The following ZNF229 variants were observed in gnomAD, a reference collection of about 807,000 sequenced individuals.
The protein encoded by ZNF229 is zinc finger protein 229.
A neutral mutation model predicts 11.8 loss-of-function variants in ZNF229; 10 were observed. The ratio of observed to expected loss-of-function variants is 0.85; its 90% CI spans 0.52 to 1.44. ZNF229 has a LOEUF of 1.44. ZNF229 is among the 40% of genes most tolerant of loss of function. ZNF229 has a pLI of 0.00. For missense variants in ZNF229, 1,045 were observed against 1,015.1 expected (o/e 1.03, Z -0.40); for synonymous variants, 368 against 374.8 (o/e 0.98, Z 0.21).
intron 4 of ZNF229, among the ~76,000 whole-genome samples, chr19:44,435,312 T>G (rs757736369): frequency 6.6e-6 from 1 of 152,156 alleles, no homozygotes; most frequent in African/African-American, 2.4e-5. Context: ...TGATTGGCCA[T>G]GAGGACTCAC....
intron 5 of ZNF229, 83 bp from the exon 6 acceptor site, chr19:44,430,625 A>G: frequency 7.6e-7 from 1 of 1,317,902 alleles, no homozygotes; most frequent in South Asian, 1.5e-5. Context: ...TGAACTAATA[A>G]TAGCCTAGAG....
intron 4 of ZNF229, among the ~76,000 whole-genome samples, chr19:44,435,509 G>A (rs1015028447): frequency 6.6e-6 from 1 of 152,164 alleles, no homozygotes; most frequent in Non-Finnish European, 1.5e-5. Context: ...ATTGCAACAA[G>A]GCCTGTGAAA....
intron 2 of ZNF229, among the ~76,000 whole-genome samples, chr19:44,445,274 C>T (rs1013405851): frequency 4.6e-5 from 7 of 152,166 alleles, no homozygotes; most frequent in African/African-American, 1.7e-4. Flanking sequence ...CATTCCTACT[C>T]CTGTTCGTTT....
chr19:44,429,794 G>A lies in ZNF229; in HGVS notation c.987C>T (p.Gly329=), dbSNP rs375350769. Residue 329 remains glycine, a synonymous_variant, in exon 6 of 6, where the codon GGC becomes GGT. Transcript: ENST00000614049. ...TACGTATGTGCGTGTTCTGTCTGAC[G>A]CCCCGACCACGCTCAAGACTCTTAA... is the stretch of plus-strand genomic sequence containing the variant. ...KSVKSLERGR[G]VRQNTHIRNH... 78 of 1,613,988 alleles carry A rather than the reference G, an allele frequency of 4.8e-5. 1 individual carries two copies. The highest frequency in any genetic ancestry group is 1.5e-4 in the South Asian group (14 of 91,076).
Position 44,442,797 on chromosome 19 carries a change from C to T in ZNF229, c.34+17G>A, listed in dbSNP as rs775044085. ...GTTTGGATTCTCCCCCCACCCACCC[C>T]CTCTATTAGCTGTCACCTCTTTTCT... On this transcript the variant is annotated intron_variant, in intron 3 of 5. Transcript: ENST00000614049. 1.3e-6 allele frequency: 2 copies of T among 1,581,644 alleles called. No individual in the cohort carries two copies. The highest frequency in any genetic ancestry group is 1.7e-6 in the Non-Finnish European group (2 of 1,150,696).
chr19:44,428,178 A>G lies in ZNF229; in HGVS notation c.*125T>C, dbSNP rs560563815. On this transcript the variant is annotated 3_prime_UTR_variant, in exon 6 of 6. Transcript: ENST00000614049. ...GGTGTTCCCTTCCTATGCAGACTAGAAAATGTAAAATCATCAGTTTCTCCT... is the reference window on the plus strand; with the variant it reads ...GGTGTTCCCTTCCTATGCAGACTAGGAAATGTAAAATCATCAGTTTCTCCT... 6 of 1,110,898 alleles carry G rather than the reference A, an allele frequency of 5.4e-6. No individual in the cohort carries two copies. In the African/African-American group the frequency reaches 9.4e-5, roughly 17 times the overall value. The allele number at this position is 1,110,898 out of a possible 1,614,324, so 68.8% of individuals were successfully genotyped here.
chr19:44,429,453 C>T lies in ZNF229; in HGVS notation c.1328G>A (p.Cys443Tyr). 1 of 1,613,978 alleles carries T rather than the reference C, an allele frequency of 6.2e-7. No homozygotes were observed. The highest frequency in any genetic ancestry group is 8.5e-7 in the Non-Finnish European group (1 of 1,180,002). Residue 443 changes from cysteine to tyrosine, a missense_variant, in exon 6 of 6, where the codon TGT becomes TAT. Cys to Tyr is a radical substitution (Grantham distance 194). Transcript: ENST00000614049. ...YTCSECGKGF[C>Y]AKSALHKHQH... ...GTGTTTGTGCAGTGCAGACTTGGCA[C>T]AGAAGCCTTTGCCACACTCGCTGCA...
chr19:44,438,118 AT>A (rs1313987820), intron 4 of ZNF229, among the ~76,000 whole-genome samples: 1 of 152,210 alleles, frequency 6.6e-6, no homozygotes, highest in Non-Finnish European at 1.5e-5. Flanking sequence ...TGAACCTAAA[AT>A]TTTTAAAAAA....
In ZNF229 at chr19:44,441,527, T is replaced by C. The variant is rs10416458; in HGVS notation, c.93+1036A>G. ...TAAGAAATATGTATATACTAAAGGATAGCCTATTTCCATATCCCTATATTT... is the reference window on the plus strand; with the variant it reads ...TAAGAAATATGTATATACTAAAGGACAGCCTATTTCCATATCCCTATATTT... On this transcript the variant is annotated intron_variant, in intron 4 of 5. Coordinates refer to ENST00000614049, the MANE Select transcript of ZNF229 (RefSeq NM_014518.4). 4.4e-3 allele frequency among the ~76,000 whole-genome samples: 676 copies of C among 152,322 alleles called. 4 individuals are homozygous for C. The highest frequency in any genetic ancestry group is 0.016 in the African/African-American group (645 of 41,572).
intron 4 of ZNF229, among the ~76,000 whole-genome samples, chr19:44,441,300 AAT>A (rs1245410766): frequency 6.6e-6 from 1 of 152,136 alleles, no homozygotes; most frequent in African/African-American, 2.4e-5. Flanking sequence ...AAAACGTGCT[AAT>A]TGCTTCAACT....
intron 2 of ZNF229, among the ~76,000 whole-genome samples, chr19:44,444,190 G>A (rs1184608011): frequency 6.6e-6 from 1 of 152,176 alleles, no homozygotes; most frequent in Non-Finnish European, 1.5e-5. Context: ...TCGGGAGGTA[G>A]TGCAAAGACA....
intron 4 of ZNF229, among the ~76,000 whole-genome samples, chr19:44,439,453 C>T (rs1971869866): frequency 1.3e-5 from 2 of 151,800 alleles, no homozygotes. Flanking sequence ...TTTCCATTTC[C>T]TTTTTTTTGA....
chr19:44,430,545 A>G lies in ZNF229; in HGVS notation c.239-3T>C. The stretch of plus-strand genomic sequence containing the variant: ...CGTATCCTTTCCATTCTTGTCTCCT[A>G]TGAGGTTAAAGACAATTCAGAGATG... On this transcript the variant is annotated splice_region_variant and splice_polypyrimidine_tract_variant and intron_variant, in intron 5 of 5. Coordinates refer to ENST00000614049, the MANE Select transcript of ZNF229 (RefSeq NM_014518.4). 2 of 1,609,218 alleles carry G rather than the reference A, an allele frequency of 1.2e-6. No individual in the cohort carries two copies. Among genetic ancestry groups the G allele is most frequent in the South Asian group, 1.1e-5 (1 of 90,408 alleles).
intron 4 of ZNF229, among the ~76,000 whole-genome samples, chr19:44,436,799 C>A (rs1247636903): frequency 6.6e-6 from 1 of 152,072 alleles, no homozygotes; most frequent in African/African-American, 2.4e-5. Context: ...TGCAGATGTA[C>A]AAGTAACTCG....
rs1971607998 is a variant in ZNF229, at chr19:44,427,880, A to C, written c.*423T>G. 1 of 160,662 alleles carries C rather than the reference A, an allele frequency of 6.2e-6. No individual in the cohort carries two copies. Among genetic ancestry groups the C allele is most frequent in the African/African-American group, 2.4e-5 (1 of 41,610 alleles). 10.0% of individuals were successfully genotyped at this position (160,662 alleles called of 1,614,324 possible). On this transcript the variant is annotated 3_prime_UTR_variant, in exon 6 of 6. Coordinates refer to ENST00000614049, the MANE Select transcript of ZNF229 (RefSeq NM_014518.4). ...AGCGATCTTTAAAAAGATATGTACC[A>C]AACTGGTTTTAGAAAGGTGGAAACT...
intron 2 of ZNF229, 97 bp from the exon 3 acceptor site, chr19:44,443,121 GAC>G: frequency 1.9e-6 from 1 of 523,110 alleles, no homozygotes; most frequent in Non-Finnish European, 3.4e-6. Context: ...TAGTTTACAG[GAC>G]ATTTACTGAG....
chr19:44,438,887 T>C (rs531252746), intron 4 of ZNF229, among the ~76,000 whole-genome samples: 20 of 152,206 alleles, frequency 1.3e-4, no homozygotes, highest in Non-Finnish European at 2.8e-4. Flanking sequence ...ATATCCTTTA[T>C]AATAAACCAG....
chr19:44,442,980 C>T lies in ZNF229; in HGVS notation c.-133G>A. On this transcript the variant is annotated 5_prime_UTR_variant, in exon 3 of 6. Transcript: ENST00000614049. ...CCAAGCTCTGACAAGTTCCTGTCTC[C>T]ACCTTTACTGTCCAGAGCGCGACTG... 9.3e-7 allele frequency: 1 copy of T among 1,081,028 alleles called. No individual in the cohort carries two copies. Among genetic ancestry groups the T allele is most frequent in the Non-Finnish European group, 1.4e-6 (1 of 719,030 alleles). The allele number at this position is 1,081,028 out of a possible 1,614,324, so 67.0% of individuals were successfully genotyped here.
At position 44,432,239 on chromosome 19, in the gene ZNF229, C is replaced by T; in HGVS notation, c.221G>A (p.Gly74Asp). Reference protein sequence around the residue: ...QENFRNLLSVGERNPLGDKNG... With the variant: ...QENFRNLLSVDERNPLGDKNG... ...CCAATTACCCAGAGGATTCCTCTCA[C>T]CCACTGAGAGTAGGTTCCTGAAATT... The change falls in exon 5 of 6, where the codon GGT (glycine) becomes GAT (aspartate). Residue 74 changes from glycine (G) to aspartate (D), a missense_variant. Gly to Asp is a moderately conservative substitution (Grantham distance 94, BLOSUM62 -1). Transcript: ENST00000614049. 1 of 1,613,414 alleles carries T rather than the reference C, an allele frequency of 6.2e-7. No homozygotes were observed. Among genetic ancestry groups the T allele is most frequent in the Non-Finnish European group, 8.5e-7 (1 of 1,179,814 alleles).
Sources: gnomAD v4.1 joint callset for allele counts (sites outside exome capture counted in the v4.1 genomes callset) on GRCh38, gnomAD v4.1.1 for gene constraint, MANE v1.5 for transcripts, NCBI Gene and HGNC (gene_info 2026-07-23, HGNC 2026-07-21) for gene names.